The following ADAMTSL3 variants were observed in gnomAD, a reference collection of about 807,000 sequenced individuals.
ADAMTSL3 encodes ADAMTS like 3, also known as ADAMTS-like protein 3.
In ADAMTSL3, 128 loss-of-function variants were observed where a neutral mutation model predicts 201.7. The ratio of observed to expected loss-of-function variants is 0.63; its 90% CI spans 0.55 to 0.73. ADAMTSL3 has a LOEUF of 0.73. Among genes scored for constraint, ADAMTSL3 ranks in the 30% least tolerant of loss-of-function variants. ADAMTSL3 has a pLI of 0.00. For missense variants in ADAMTSL3, 1,990 were observed against 2,119.6 expected, an observed-to-expected ratio of 0.94 and a Z score of 1.20; for synonymous variants, 738 against 748.4, an observed-to-expected ratio of 0.99 and a Z score of 0.23.
At chr15:83,801,801 C>T (rs61036216) in intron 4 of ADAMTSL3, among the ~76,000 whole-genome samples, 13,107 of 148,174 alleles carry the variant, frequency 0.088, 741 homozygotes, top group East Asian at 0.25. Flanking sequence ...GAGCAGTAAT[C>T]AAAATCATAA....
At chr15:83,844,929 G>C (rs891182386) in intron 7 of ADAMTSL3, among the ~76,000 whole-genome samples, 3 of 152,186 alleles carry the variant, frequency 2.0e-5, no homozygotes, top group Non-Finnish European at 2.9e-5. Context: ...TTTAAAGCCT[G>C]TATCATCTGG....
rs1321074060 is a variant in ADAMTSL3 at position 84,021,469 on chromosome 15, G to A, written c.4333G>A (p.Ala1445Thr). ...TTCTGCCACCTGTGGTCATTTGGGA[G>A]CCCGCATTCAGAGACCCCAGTGTGT... ...HCSATCGHLGARIQRPQCVMA... is the reference protein window; with the variant it reads ...HCSATCGHLGTRIQRPQCVMA... The change falls in exon 26 of 30, where the codon GCC becomes ACC. Residue 1445 changes from alanine (A) to threonine (T), a missense_variant. Ala to Thr is a moderately conservative substitution (Grantham distance 58). Coordinates refer to ENST00000286744, the MANE Select transcript of ADAMTSL3 (RefSeq NM_207517.3). 6.2e-7 allele frequency: 1 copy of A among 1,614,130 alleles called. No individual in the cohort carries two copies. Among genetic ancestry groups the A allele is most frequent in the South Asian group, 1.1e-5 (1 of 91,074 alleles).
intron 3 of ADAMTSL3, among the ~76,000 whole-genome samples, chr15:83,757,881 G>A (rs1460930001): frequency 6.6e-6 from 1 of 152,146 alleles, no homozygotes; most frequent in African/African-American, 2.4e-5. Flanking sequence ...ACAAAATGAT[G>A]CCAGTCTCTT....
rs2066196614 is a variant in ADAMTSL3, at chr15:83,923,924, G to A, written c.2008G>A (p.Val670Met). ...CVGGHQEAIA[V>M]CLHIQTQQTV... ...TGCAGGCCATCAAGAAGCCATAGCA[G>A]TGTGCTTACATATCCAGACCCAGCA... The change falls in exon 17 of 30, where the codon GTG (valine) becomes ATG (methionine). Residue 670 changes from valine (V) to methionine (M), a missense_variant. By Grantham distance (21) the Val-to-Met change is conservative. Coordinates refer to ENST00000286744, the MANE Select transcript of ADAMTSL3 (RefSeq NM_207517.3). 1 of 1,614,102 alleles carries A rather than the reference G, an allele frequency of 6.2e-7. No individual in the cohort carries two copies. The highest frequency in any genetic ancestry group is 1.3e-5 in the African/African-American group (1 of 75,034).
At chr15:83,907,127 A>G (rs1234404999) in intron 15 of ADAMTSL3, among the ~76,000 whole-genome samples, 6 of 146,138 alleles carry the variant, frequency 4.1e-5, no homozygotes, top group African/African-American at 1.0e-4. Flanking sequence ...GAGAGAGTCT[A>G]TTTTTAAAAG....
intron 3 of ADAMTSL3, among the ~76,000 whole-genome samples, chr15:83,728,870 A>T (rs2062222673): frequency 6.6e-6 from 1 of 151,934 alleles, no homozygotes; most frequent in Non-Finnish European, 1.5e-5. Flanking sequence ...ATGATTTCTT[A>T]TTTCTCATTA....
intron 17 of ADAMTSL3, among the ~76,000 whole-genome samples, chr15:83,932,721 A>G (rs990806224): frequency 2.9e-4 from 44 of 152,182 alleles, no homozygotes; most frequent in African/African-American, 1.1e-3. Flanking sequence ...GATAGAGGTG[A>G]TGTAAATCCT....
chr15:83,988,883 ATTTATTTT>A, intron 22 of ADAMTSL3, 65 bp downstream of exon 22: 1 of 1,022,062 alleles, frequency 9.8e-7, no homozygotes, highest in Non-Finnish European at 1.2e-6. Context: ...TTATTTATTT[ATTTATTTT>A]TTTTTTTTGA....
chr15:83,889,749 A>C (rs1381413282), intron 10 of ADAMTSL3, among the ~76,000 whole-genome samples: 1 of 152,180 alleles, frequency 6.6e-6, no homozygotes, highest in Non-Finnish European at 1.5e-5. Context: ...ACAGTTCTTA[A>C]GAGGAGACTA....
chr15:83,716,849 C>T (rs1239639413), intron 3 of ADAMTSL3, among the ~76,000 whole-genome samples: 2 of 152,288 alleles, frequency 1.3e-5, no homozygotes, highest in East Asian at 1.9e-4. Flanking sequence ...ATGAATCCTT[C>T]TCTTAATCCC....
chr15:83,903,105 A>G (rs140385642), intron 15 of ADAMTSL3, among the ~76,000 whole-genome samples: 2 of 152,266 alleles, frequency 1.3e-5, no homozygotes, highest in East Asian at 3.9e-4. Flanking sequence ...CCATTTTTGA[A>G]ATGCTATCCT....
At position 83,686,798 on chromosome 15, in the gene ADAMTSL3, A is replaced by T. The variant is rs542384062; in HGVS notation, c.70-17591A>T. Among the ~76,000 whole-genome samples the T allele has an allele frequency of 2.0e-5, 3 of 152,302 alleles. No homozygotes were observed. In the South Asian group the frequency reaches 6.2e-4, roughly 32 times the overall value. On this transcript the variant is annotated intron_variant, in intron 2 of 29. Transcript: ENST00000286744. ...TCCTTCTCCTCAGAACTTTTAGGGA[A>T]GTAAGAACTACTCCAGGATCTTATA...
chr15:83,849,515 T>C (rs2064566297), intron 7 of ADAMTSL3, among the ~76,000 whole-genome samples: 1 of 152,216 alleles, frequency 6.6e-6, no homozygotes, highest in Non-Finnish European at 1.5e-5. Context: ...TGCTTGGCAA[T>C]GCCATCTGCA....
intron 6 of ADAMTSL3, among the ~76,000 whole-genome samples, chr15:83,826,815 C>T (rs1258350978): frequency 1.3e-5 from 2 of 151,990 alleles, no homozygotes; most frequent in Non-Finnish European, 2.9e-5. Context: ...CCAGCTTCAT[C>T]CATGTCCCTA....
intron 3 of ADAMTSL3, among the ~76,000 whole-genome samples, chr15:83,735,108 A>G (rs1281759134): frequency 6.6e-6 from 1 of 152,232 alleles, no homozygotes; most frequent in African/African-American, 2.4e-5. Context: ...TAAATCAACT[A>G]TTAAACAAAG....
chr15:83,909,673 G>A (rs964669646), intron 15 of ADAMTSL3, among the ~76,000 whole-genome samples: 1 of 151,904 alleles, frequency 6.6e-6, no homozygotes, highest in African/African-American at 2.4e-5. Flanking sequence ...GGAGTGCAGT[G>A]GTGTGATCTC....
At chr15:83,715,300 A>G (rs1341031704) in intron 3 of ADAMTSL3, among the ~76,000 whole-genome samples, 1 of 152,186 alleles carries the variant, frequency 6.6e-6, no homozygotes, top group African/African-American at 2.4e-5. Flanking sequence ...TACATTCATC[A>G]TTCTGCACAT....
intron 3 of ADAMTSL3, among the ~76,000 whole-genome samples, chr15:83,740,720 C>T (rs944363325): frequency 3.3e-5 from 5 of 152,116 alleles, no homozygotes; most frequent in Admixed American, 2.6e-4. Flanking sequence ...TACAGTATAA[C>T]ATCTTTTGAC....
chr15:83,781,909 T>C (rs1596197079), intron 4 of ADAMTSL3, among the ~76,000 whole-genome samples: 1 of 152,068 alleles, frequency 6.6e-6, no homozygotes, highest in Non-Finnish European at 1.5e-5. Flanking sequence ...TACTAAAAAG[T>C]CAATAAGTAA....
Sources: gnomAD v4.1 joint callset for allele counts (sites outside exome capture counted in the v4.1 genomes callset) on GRCh38, gnomAD v4.1.1 for gene constraint, MANE v1.5 for transcripts, NCBI Gene and HGNC (gene_info 2026-07-23, HGNC 2026-07-21) for gene names.